The following FAM186A variants were observed in gnomAD, a reference collection of about 807,000 sequenced individuals.
FAM186A encodes protein FAM186A.
In FAM186A, 163 loss-of-function variants were observed where a neutral mutation model predicts 216.8. The ratio of observed to expected loss-of-function variants is 0.75; its 90% CI spans 0.66 to 0.86. The LOEUF is 0.86. Ranked by LOEUF, FAM186A falls within the 40% of genes least tolerant of loss-of-function variation. The probability of loss-of-function intolerance (pLI) is 0.00; values close to 1 mark genes in which losing one functional copy is unlikely to be tolerated. For synonymous variants in FAM186A, 805 were observed against 1,025.3 expected (o/e 0.79, Z 4.10); for missense variants, 2,184 against 2,746.2 (o/e 0.80, Z 4.58).
chr12:50,349,740 C>G (rs980446959), intron 4 of FAM186A, among the ~76,000 whole-genome samples: 1 of 152,102 alleles, frequency 6.6e-6, no homozygotes, highest in Non-Finnish European at 1.5e-5. Context: ...ACTTCCACCT[C>G]CCGGGTTCAA....
chr12:50,362,754 A>G, intron 2 of FAM186A, among the ~76,000 whole-genome samples: 1 of 151,644 alleles, frequency 6.6e-6, no homozygotes, highest in Admixed American at 6.6e-5. Flanking sequence ...AAAAAAAAAA[A>G]AAAAAAAAAA....
At chr12:50,342,167 G>A (rs969712640) in intron 4 of FAM186A, among the ~76,000 whole-genome samples, 5 of 151,552 alleles carry the variant, frequency 3.3e-5, no homozygotes, top group South Asian at 4.2e-4. Flanking sequence ...TGGCGGCGGC[G>A]TGCCTGTAAT....
At chr12:50,332,702 A>AT (rs940284523) in intron 5 of FAM186A, among the ~76,000 whole-genome samples, 3 of 152,016 alleles carry the variant, frequency 2.0e-5, no homozygotes, top group Non-Finnish European at 4.4e-5. Flanking sequence ...GAGAATATTC[A>AT]TTTTTTTGAC....
intron 5 of FAM186A, among the ~76,000 whole-genome samples, chr12:50,332,691 G>A (rs549885548): frequency 6.6e-6 from 1 of 152,170 alleles, no homozygotes; most frequent in South Asian, 2.1e-4. Context: ...ATCAAAAAAA[G>A]GAGAATATTC....
chr12:50,336,878 G>T (rs986856178), intron 4 of FAM186A, among the ~76,000 whole-genome samples: 52 of 151,224 alleles, frequency 3.4e-4, no homozygotes, highest in African/African-American at 1.3e-3. Context: ...CTAAATATAT[G>T]TATTTTATAT....
At chr12:50,348,792 G>A (rs1942846712) in intron 4 of FAM186A, among the ~76,000 whole-genome samples, 2 of 152,070 alleles carry the variant, frequency 1.3e-5, no homozygotes, top group South Asian at 2.1e-4. Context: ...TCATGAACTC[G>A]TGATCCACCT....
chr12:50,350,230 A>G (rs945413416), intron 4 of FAM186A, 99 bp downstream of exon 4: 2 of 1,121,250 alleles, frequency 1.8e-6, no homozygotes, highest in Non-Finnish European at 2.5e-6. Context: ...CCTTTAGAAC[A>G]TATGGCCTGA....
chr12:50,378,646 A>G (rs1385957752), intron 1 of FAM186A, among the ~76,000 whole-genome samples: 2 of 148,328 alleles, frequency 1.3e-5, no homozygotes, highest in South Asian at 2.1e-4. Context: ...ACATACATAT[A>G]TATACACACA....
At position 50,352,924 on chromosome 12, in the gene FAM186A, A is replaced by G. The variant is rs1206083107; in HGVS notation, c.3908T>C (p.Leu1303Pro). The change falls in exon 4 of 8, where the codon CTC becomes CCC. Residue 1303 changes from leucine to proline, a missense_variant. By Grantham distance (98) the Leu-to-Pro change is moderately conservative (BLOSUM62 -3). This residue lies in a region of FAM186A where 267 missense variants were observed against 446.2 expected (regional missense o/e 0.60). Transcript: ENST00000327337. ...PQQAQTLGIPLTPKQAQALGI... is the reference protein window; with the variant it reads ...PQQAQTLGIPPTPKQAQALGI... The stretch of plus-strand genomic sequence containing the variant: ...CAGAGCCTGTGCCTGCTTAGGGGTG[A>G]GAGGGATCCCCAGGGTCTGGGCCTG... 1.6e-5 allele frequency: 24 copies of G among 1,532,928 alleles called. No individual in the cohort carries two copies. The East Asian group carries it at 5.6e-4, about 36-fold the overall frequency. 95.0% of individuals were successfully genotyped at this position (1,532,928 alleles called of 1,614,324 possible). A position where few individuals can be genotyped will look rare whatever the true frequency, so the allele number is the denominator to read the frequency against.
rs575229168 is a variant in FAM186A, at chr12:50,395,668, T to C, written c.192+625A>G. Among the ~76,000 whole-genome samples, 10 of 152,202 alleles carry C rather than the reference T, an allele frequency of 6.6e-5. No homozygotes were observed. In the East Asian group the frequency reaches 1.9e-3, roughly 29 times the overall value. On this transcript the variant is annotated intron_variant, in intron 1 of 7. Coordinates refer to ENST00000327337, the MANE Select transcript of FAM186A (RefSeq NM_001145475.3). ...AATTTCTCCTAATTTCTCCTTGAAG[T>C]GTACAGGGAAAATAAAAGGAGCTAG...
rs150583039 is a variant in FAM186A at position 50,351,674 on chromosome 12, C to G, written c.5158G>C (p.Ala1720Pro). 4 of 1,551,548 alleles carry G rather than the reference C, an allele frequency of 2.6e-6. No individual in the cohort carries two copies. Among genetic ancestry groups the G allele is most frequent in the Non-Finnish European group, 3.5e-6 (4 of 1,146,916 alleles). Reference sequence around the variant, plus strand: ...ATGGATTGCCCAGTGGGGAGAGAAGCCTTCGATTTCTGAAATGGTCTATGG... The same window carrying G: ...ATGGATTGCCCAGTGGGGAGAGAAGGCTTCGATTTCTGAAATGGTCTATGG... Reference protein sequence around the residue: ...WSHRPFQKSKASLPTGQSIIS... With the variant: ...WSHRPFQKSKPSLPTGQSIIS... The change falls in exon 4 of 8, where the codon GCT becomes CCT. Residue 1720 changes from alanine (A) to proline (P), a missense_variant. Ala to Pro is a conservative substitution (Grantham distance 27). Transcript: ENST00000327337.
At chr12:50,340,377 C>T (rs191104026) in intron 4 of FAM186A, among the ~76,000 whole-genome samples, 19 of 152,202 alleles carry the variant, frequency 1.2e-4, no homozygotes, top group Admixed American at 3.3e-4. Flanking sequence ...CCTCTAATCC[C>T]TGTACCTAAC....
Position 50,350,435 on chromosome 12 carries a change from G to A in FAM186A, c.6397C>T (p.His2133Tyr), listed in dbSNP as rs966680964. Residue 2133 changes from histidine to tyrosine, a missense_variant, in exon 4 of 8, where the codon CAC becomes TAC. Around this residue, in one of 7 missense-constraint regions of FAM186A, gnomAD observed 721 missense variants for 816.4 expected, o/e 0.88. Coordinates refer to ENST00000327337, the MANE Select transcript of FAM186A (RefSeq NM_001145475.3). ...IKTCGLPSQL[H>Y]TMARTLIIEI... ...ATTATGAGAGTCCTAGCCATTGTGT[G>A]TAGCTGTGAAGGGAGTCCACAAGTT... The A allele has an allele frequency of 3.9e-6, 6 of 1,551,468 alleles. No homozygotes were observed. The Admixed American group carries it at 9.8e-5, about 25-fold the overall frequency.
intron 5 of FAM186A, among the ~76,000 whole-genome samples, chr12:50,332,196 G>A (rs1454940850): frequency 2.6e-5 from 4 of 152,238 alleles, no homozygotes; most frequent in East Asian, 1.9e-4. Context: ...GTATGCAACT[G>A]TAATGATAGC....
At chr12:50,333,697 A>T (rs948190130) in intron 5 of FAM186A, among the ~76,000 whole-genome samples, 7 of 152,178 alleles carry the variant, frequency 4.6e-5, no homozygotes, top group African/African-American at 1.7e-4. Flanking sequence ...AGAAGGAACC[A>T]ACCTGGCAGA....
At chr12:50,332,015 C>T (rs928159295) in intron 5 of FAM186A, among the ~76,000 whole-genome samples, 194 bp from the exon 6 acceptor site, 3 of 152,178 alleles carry the variant, frequency 2.0e-5, no homozygotes, top group Non-Finnish European at 4.4e-5. Flanking sequence ...AACCTTTGTC[C>T]TACTTAAGCT....
At chr12:50,392,259 GTTTGT>G in intron 1 of FAM186A, 1 of 94,700 alleles carries the variant, frequency 1.1e-5, no homozygotes, top group South Asian at 3.0e-4. Flanking sequence ...CAGGTTTGTT[GTTTGT>G]TTGTTTGTTT....
Position 50,356,170 on chromosome 12 carries a change from T to C in FAM186A, c.662A>G (p.Asp221Gly), listed in dbSNP as rs768218981. Residue 221 changes from aspartate to glycine, a missense_variant, in exon 4 of 8, where the codon GAT (aspartate) becomes GGT (glycine). Asp to Gly is a moderately conservative substitution (Grantham distance 94, BLOSUM62 -1). Coordinates refer to ENST00000327337, the MANE Select transcript of FAM186A (RefSeq NM_001145475.3). ...TGCAAGTTGATCACTAATCATCTGA[T>C]CTGGTCTTAAAGCACGGGCTGTTGA... Reference protein sequence around the residue: ...RPSTARALRPDQMISDQLATN... With the variant: ...RPSTARALRPGQMISDQLATN... 91 of 1,551,652 alleles carry C rather than the reference T, an allele frequency of 5.9e-5. No individual in the cohort carries two copies. In the South Asian group the frequency reaches 1.0e-3, roughly 18 times the overall value.
chr12:50,387,002 G>A (rs1328988458), intron 1 of FAM186A, among the ~76,000 whole-genome samples: 1 of 151,520 alleles, frequency 6.6e-6, no homozygotes, highest in African/African-American at 2.4e-5. Flanking sequence ...TAACACAGAA[G>A]ACTTCCATGA....
Sources: gnomAD v4.1 joint callset for allele counts (sites outside exome capture counted in the v4.1 genomes callset) on GRCh38, gnomAD v4.1.1 for gene constraint, gnomAD v4.1.1 regional missense constraint, MANE v1.5 for transcripts, NCBI Gene and HGNC (gene_info 2026-07-23, HGNC 2026-07-21) for gene names.